The following SLIT1 variants were observed in gnomAD, a reference collection of about 807,000 sequenced individuals.
SLIT1 encodes the protein slit homolog 1 protein.
SLIT1 carries 66 observed loss-of-function variants against 186.1 expected under a neutral mutation model. The ratio of observed to expected loss-of-function variants is 0.35; its 90% CI spans 0.29 to 0.44. The LOEUF is 0.44. Among genes scored for constraint, SLIT1 ranks in the 20% least tolerant of loss-of-function variants. The pLI is 1.00. For synonymous variants in SLIT1, 761 were observed against 833.8 expected (o/e 0.91, Z 1.50); for missense variants, 1,638 against 2,037.4 (o/e 0.80, Z 3.77).
chr10:97,070,288 C>G (rs763021816), intron 4 of SLIT1, among the ~76,000 whole-genome samples: 2 of 152,222 alleles, frequency 1.3e-5, no homozygotes, highest in Non-Finnish European at 2.9e-5. Context: ...ACTCATCCAG[C>G]GTTGCTTTGA....
In SLIT1 at chr10:97,170,121, G is replaced by A. The variant is rs148057527; in HGVS notation, c.198-5231C>T. 1.9e-3 allele frequency among the ~76,000 whole-genome samples: 295 copies of A among 152,316 alleles called. 2 individuals carry two copies. The highest frequency in any genetic ancestry group is 0.017 in the Middle Eastern group (5 of 294). On this transcript the variant is annotated intron_variant, in intron 1 of 36. Transcript: ENST00000266058. ...GCTTTGCCTACACAACAATATCGGC[G>A]GCTCCCCCGCCAGGCTGAGTTAAGT... is the stretch of plus-strand genomic sequence containing the variant.
rs1848343178 is a variant in SLIT1 at position 97,004,601 on chromosome 10, G to A, written c.3710+92C>T. On this transcript the variant is annotated intron_variant, in intron 33 of 36. Coordinates refer to ENST00000266058, the MANE Select transcript of SLIT1 (RefSeq NM_003061.3). The surrounding 1 kb of genome is among the most constrained non-coding windows in gnomAD (Gnocchi z 5.1). ...AACTCAGGCAGCCCAGGTTTCTAGAGGTCTCGATAACCACCTGCTTTTGGC... is the reference window on the plus strand; with the variant it reads ...AACTCAGGCAGCCCAGGTTTCTAGAAGTCTCGATAACCACCTGCTTTTGGC... 1 of 1,475,312 alleles carries A rather than the reference G, an allele frequency of 6.8e-7. No individual in the cohort carries two copies. The highest frequency in any genetic ancestry group is 1.4e-5 in the African/African-American group (1 of 72,272). The allele number at this position is 1,475,312 out of a possible 1,614,324, so 91.4% of individuals were successfully genotyped here.
chr10:97,172,059 T>G (rs895925442), intron 1 of SLIT1, among the ~76,000 whole-genome samples: 1 of 151,838 alleles, frequency 6.6e-6, no homozygotes, highest in Non-Finnish European at 1.5e-5. Flanking sequence ...TTTTTTTTTT[T>G]CGAGCCAGTG....
intron 4 of SLIT1, among the ~76,000 whole-genome samples, chr10:97,142,892 G>A (rs553890045): frequency 2.0e-5 from 3 of 152,160 alleles, no homozygotes; most frequent in African/African-American, 4.8e-5. Flanking sequence ...ACTAAGATGC[G>A]CAAACTAGTC....
At chr10:97,079,205 A>G (rs975608312) in intron 4 of SLIT1, among the ~76,000 whole-genome samples, 1 of 152,220 alleles carries the variant, frequency 6.6e-6, no homozygotes, top group Non-Finnish European at 1.5e-5. Flanking sequence ...TACCACTTAT[A>G]TAAAGCTCAA....
At position 96,999,800 on chromosome 10, in the gene SLIT1, A is replaced by C. The variant is rs1848286012; in HGVS notation, c.*1312T>G. 6.6e-6 allele frequency: 1 copy of C among 152,304 alleles called. No homozygotes were observed. The highest frequency in any genetic ancestry group is 1.5e-5 in the Non-Finnish European group (1 of 68,134). 9.4% of individuals were successfully genotyped at this position (152,304 alleles called of 1,614,324 possible). A position where few individuals can be genotyped will look rare whatever the true frequency, so the allele number is the denominator to read the frequency against. On this transcript the variant is annotated 3_prime_UTR_variant, in exon 37 of 37. Transcript: ENST00000266058. ...TGTGGCTGGAGCCCCCACTCAGCTC[A>C]ACTCTTCCCGGGCATCCTGGTCATT... is the stretch of plus-strand genomic sequence containing the variant.
chr10:97,101,776 A>G (rs80031996), intron 4 of SLIT1, among the ~76,000 whole-genome samples: 4 of 152,174 alleles, frequency 2.6e-5, no homozygotes, highest in African/African-American at 9.6e-5. Context: ...GGGGGTGGAT[A>G]TGAGTTTGCA....
At chr10:97,094,840 T>C (rs1412510528) in intron 4 of SLIT1, among the ~76,000 whole-genome samples, 3 of 152,212 alleles carry the variant, frequency 2.0e-5, no homozygotes, top group Non-Finnish European at 4.4e-5. Context: ...TTTTCTCCCC[T>C]TGGGTGGAAG....
chr10:97,144,177 G>A (rs1471716978), intron 4 of SLIT1, among the ~76,000 whole-genome samples: 5 of 138,642 alleles, frequency 3.6e-5, no homozygotes, highest in East Asian at 4.2e-4. Flanking sequence ...CAGTCTAGGC[G>A]ACAGAGTGAG....
At chr10:97,134,117 C>T (rs1466469182) in intron 4 of SLIT1, among the ~76,000 whole-genome samples, 1 of 152,108 alleles carries the variant, frequency 6.6e-6, no homozygotes, top group Non-Finnish European at 1.5e-5. Flanking sequence ...AGGTCTTCTG[C>T]CATCTCAAGA....
At chr10:97,119,941 A>ATATATATATATATATATATATG (rs1179888328) in intron 4 of SLIT1, among the ~76,000 whole-genome samples, 10 of 137,240 alleles carry the variant, frequency 7.3e-5, no homozygotes, top group Non-Finnish European at 1.4e-4. Context: ...ATATATATAT[A>ATATATATATATATATATATATG]TATATGTATA....
At chr10:97,030,659 A>C in intron 25 of SLIT1, 98 bp downstream of exon 25, 1 of 1,014,114 alleles carries the variant, frequency 9.9e-7, no homozygotes, top group South Asian at 1.4e-5. Flanking sequence ...TCAGAGTAAA[A>C]GCAACAAACT....
At chr10:97,075,206 G>C (rs556729552) in intron 4 of SLIT1, among the ~76,000 whole-genome samples, 32 of 152,342 alleles carry the variant, frequency 2.1e-4, no homozygotes, top group Non-Finnish European at 1.5e-5. Flanking sequence ...TGGGGGCTTA[G>C]ATCCTTGTCA....
intron 4 of SLIT1, among the ~76,000 whole-genome samples, chr10:97,106,371 A>T (rs1223108089): frequency 6.9e-6 from 1 of 145,506 alleles, no homozygotes; most frequent in African/African-American, 2.5e-5. Context: ...AGACTAGGGG[A>T]GGGAGAGAGA....
intron 4 of SLIT1, among the ~76,000 whole-genome samples, chr10:97,150,144 T>C (rs936096107): frequency 3.4e-4 from 51 of 152,164 alleles, no homozygotes; most frequent in African/African-American, 1.2e-3. Flanking sequence ...AAGGAGGCTC[T>C]GGCTGGGGAG....
At chr10:97,055,241 A>C (rs1848826134) in intron 13 of SLIT1, among the ~76,000 whole-genome samples, 1 of 152,200 alleles carries the variant, frequency 6.6e-6, no homozygotes, top group Non-Finnish European at 1.5e-5. Flanking sequence ...AATCAAAAAA[A>C]TTGCATAACA....
At chr10:97,024,836 T>G (rs1013314327) in intron 25 of SLIT1, among the ~76,000 whole-genome samples, 1 of 152,206 alleles carries the variant, frequency 6.6e-6, no homozygotes, top group Non-Finnish European at 1.5e-5. Context: ...GTAGCTCATT[T>G]AGAGAAAAAT....
chr10:97,116,054 C>T (rs1849507325), intron 4 of SLIT1, among the ~76,000 whole-genome samples: 1 of 152,154 alleles, frequency 6.6e-6, no homozygotes, highest in Non-Finnish European at 1.5e-5. Context: ...TGACCTTGGG[C>T]AAGTTGCCTG....
Position 97,110,715 on chromosome 10 carries a change from C to T in SLIT1, c.414-44629G>A, listed in dbSNP as rs1396234013. 7.9e-5 allele frequency among the ~76,000 whole-genome samples: 12 copies of T among 152,286 alleles called. No individual in the cohort carries two copies. The South Asian group carries it at 2.5e-3, about 32-fold the overall frequency. On this transcript the variant is annotated intron_variant, in intron 4 of 36. Transcript: ENST00000266058. ...ACAGAAGTCAGTAGAGAGGTTCCCT[C>T]TGGAGCTGAGGCTGGGGTTGGGTTG... is the stretch of plus-strand genomic sequence containing the variant.
Sources: gnomAD v4.1 joint callset for allele counts (sites outside exome capture counted in the v4.1 genomes callset) on GRCh38, gnomAD v4.1.1 for gene constraint, Gnocchi (gnomAD v3.1) non-coding constraint, MANE v1.5 for transcripts, NCBI Gene and HGNC (gene_info 2026-07-23, HGNC 2026-07-21) for gene names.